ANKRD30B: variants seen among roughly 807,000 people sequenced by gnomAD.
ANKRD30B encodes ankyrin repeat domain 30B.
ANKRD30B carries 144 observed loss-of-function variants against 202.2 expected under a neutral mutation model. The observed-to-expected ratio is 0.71, with a 90% CI of 0.62 to 0.82. ANKRD30B has a LOEUF of 0.82. Among genes scored for constraint, ANKRD30B ranks in the 40% least tolerant of loss-of-function variants. The pLI, the probability that ANKRD30B is intolerant of heterozygous loss-of-function variation, is 0.00. For missense variants in ANKRD30B, 1,487 were observed against 1,669.1 expected (o/e 0.89, Z 1.90); for synonymous variants, 508 against 561.3 (o/e 0.91, Z 1.34).
the ANKRD30B span, among the ~76,000 whole-genome samples, chr18:14,866,918 C>T: frequency 1.3e-5 from 2 of 149,504 alleles, no homozygotes; most frequent in Admixed American, 6.7e-5. Context: ...ATGCAGGGGG[C>T]AGGTTGGGTT....
Position 14,786,776 on chromosome 18 carries a change from T to C in ANKRD30B, c.1673-263T>C, listed in dbSNP as rs1840228790. Among the ~76,000 whole-genome samples the C allele has an allele frequency of 2.0e-5, 3 of 152,142 alleles. No homozygotes were observed. In the South Asian group the frequency reaches 6.2e-4, roughly 31 times the overall value. On this transcript the variant is annotated intron_variant, in intron 14 of 43. Transcript: ENST00000690538. ...TGTTTTACAGGAGAAGAGGATATGATTGCTTTGTGAAGAAATAACTCATAC... is the reference window on the plus strand; with the variant it reads ...TGTTTTACAGGAGAAGAGGATATGACTGCTTTGTGAAGAAATAACTCATAC...
intron 34 of ANKRD30B, among the ~76,000 whole-genome samples, chr18:14,833,397 C>T (rs369154128): frequency 4.6e-5 from 7 of 150,932 alleles, no homozygotes; most frequent in East Asian, 4.0e-4. Context: ...TACAGGCATC[C>T]GCCACCACGC....
At chr18:14,811,356 C>G (rs1969912215) in intron 28 of ANKRD30B, among the ~76,000 whole-genome samples, 1 of 150,984 alleles carries the variant, frequency 6.6e-6, no homozygotes, top group South Asian at 2.1e-4. Context: ...GGAATCCAGG[C>G]GCCCACCACA....
chr18:14,770,817 T>TA (rs549612643), intron 8 of ANKRD30B, among the ~76,000 whole-genome samples: 11,655 of 139,662 alleles, frequency 0.083, 1,468 homozygotes, highest in African/African-American at 0.28. Context: ...TATTGAAAGA[T>TA]AAAAAAAAAA....
intron 40 of ANKRD30B, 57 bp downstream of exon 40, chr18:14,848,986 G>A (rs1971772015): frequency 1.8e-5 from 24 of 1,369,026 alleles, no homozygotes; most frequent in Non-Finnish European, 2.2e-5. Flanking sequence ...AAGTATGTAG[G>A]ATACTTTTTG....
At chr18:14,916,012 T>C in the ANKRD30B span, among the ~76,000 whole-genome samples, 2 of 152,226 alleles carry the variant, frequency 1.3e-5, no homozygotes, top group Admixed American at 6.5e-5. Context: ...CACCATTTTA[T>C]ATTAGAAATC....
chr18:14,750,455 G>A (rs907475460), intron 1 of ANKRD30B, among the ~76,000 whole-genome samples: 2 of 152,090 alleles, frequency 1.3e-5, no homozygotes, highest in African/African-American at 4.8e-5. Context: ...CACAAAGTTT[G>A]TGAGGATAAA....
chr18:14,865,401 A>C, the ANKRD30B span, among the ~76,000 whole-genome samples: 1 of 138,540 alleles, frequency 7.2e-6, no homozygotes, highest in South Asian at 2.3e-4. Context: ...CCCTCCATCT[A>C]CTCAAAATCT....
At chr18:14,886,050 C>A in the ANKRD30B span, among the ~76,000 whole-genome samples, 1 of 151,888 alleles carries the variant, frequency 6.6e-6, no homozygotes, top group Non-Finnish European at 1.5e-5. Flanking sequence ...TTTCTTTTCT[C>A]CTTTTTGTCA....
intron 15 of ANKRD30B, among the ~76,000 whole-genome samples, chr18:14,788,416 T>C (rs1968230873): frequency 1.3e-5 from 2 of 152,318 alleles, no homozygotes; most frequent in South Asian, 2.1e-4. Flanking sequence ...TATTATACTT[T>C]AAGTTTTAGG....
downstream of ANKRD30B, among the ~76,000 whole-genome samples, chr18:14,856,533 A>G (rs1457186886): frequency 9.1e-6 from 1 of 110,150 alleles, no homozygotes; most frequent in African/African-American, 3.3e-5. Context: ...CTCCCAGATG[A>G]TGGGCAGCCA....
intron 35 of ANKRD30B, 42 bp downstream of exon 35, chr18:14,837,331 G>A: frequency 6.9e-7 from 1 of 1,452,670 alleles, no homozygotes. Context: ...AATAGAAATG[G>A]TAAATTAGTG....
At chr18:14,819,399 G>T (rs1970290962) in intron 30 of ANKRD30B, among the ~76,000 whole-genome samples, 1 of 149,784 alleles carries the variant, frequency 6.7e-6, no homozygotes, top group African/African-American at 2.4e-5. Flanking sequence ...GTCTTTTGTT[G>T]CCATTGCTTT....
chr18:14,824,143 C>G (rs894351485), intron 32 of ANKRD30B, among the ~76,000 whole-genome samples: 2 of 151,002 alleles, frequency 1.3e-5, no homozygotes, highest in Non-Finnish European at 2.9e-5. Flanking sequence ...TTTAGGTGTA[C>G]TCAATACAGT....
chr18:14,764,139 C>T, intron 7 of ANKRD30B, 49 bp downstream of exon 7: 5 of 1,454,612 alleles, frequency 3.4e-6, no homozygotes, highest in Non-Finnish European at 4.5e-6. Flanking sequence ...CTTTGGGTTC[C>T]CTAGTGAAAA....
chr18:14,844,278 G>A (rs1010777464), intron 39 of ANKRD30B, among the ~76,000 whole-genome samples: 4 of 152,132 alleles, frequency 2.6e-5, no homozygotes, highest in Non-Finnish European at 5.9e-5. Flanking sequence ...ACTGATTTTT[G>A]ATATATTAGA....
intron 15 of ANKRD30B, among the ~76,000 whole-genome samples, chr18:14,789,762 G>A (rs1213595606): frequency 2.6e-5 from 4 of 152,078 alleles, no homozygotes; most frequent in Non-Finnish European, 5.9e-5. Context: ...CTCTGTTTTG[G>A]TACCAGTACC....
chr18:14,841,886 A>G (rs1229955811), intron 37 of ANKRD30B, among the ~76,000 whole-genome samples: 1 of 152,214 alleles, frequency 6.6e-6, no homozygotes, highest in African/African-American at 2.4e-5. Flanking sequence ...CTCTATTACT[A>G]TCAGGCATAA....
the ANKRD30B span, among the ~76,000 whole-genome samples, chr18:14,879,029 G>A: frequency 1.3e-5 from 2 of 152,010 alleles, no homozygotes; most frequent in Non-Finnish European, 2.9e-5. Context: ...AGGCAGGCCG[G>A]GGGCACCGCG....
Sources: gnomAD v4.1 joint callset for allele counts (sites outside exome capture counted in the v4.1 genomes callset) on GRCh38, gnomAD v4.1.1 for gene constraint, MANE v1.5 for transcripts, NCBI Gene and HGNC (gene_info 2026-07-23, HGNC 2026-07-21) for gene names.